Variants in SOAT2 observed in about 807,000 individuals in gnomAD.
SOAT2 encodes the protein sterol O-acyltransferase 2.
A neutral mutation model predicts 76.0 loss-of-function variants in SOAT2; 87 were observed. The ratio of observed to expected loss-of-function variants is 1.14; its 90% CI spans 0.96 to 1.37. The LOEUF is 1.37. Among genes scored for constraint, SOAT2 ranks in the 40% most tolerant of loss-of-function variants. The probability of loss-of-function intolerance (pLI) is 0.00; values close to 1 mark genes in which losing one functional copy is unlikely to be tolerated. For synonymous variants in SOAT2, 285 were observed against 275.4 expected, an observed-to-expected ratio of 1.03 and a Z score of -0.34; for missense variants, 686 against 682.1, an observed-to-expected ratio of 1.01 and a Z score of -0.06.
intron 12 of SOAT2, 82 bp downstream of exon 12, chr12:53,121,483 G>A (rs1264230831): frequency 6.0e-6 from 7 of 1,165,066 alleles, no homozygotes; most frequent in Non-Finnish European, 7.7e-6. Flanking sequence ...CTGCTACAGT[G>A]TGGCAACTAC....
rs1324556345 is a variant in SOAT2 at position 53,104,201 on chromosome 12, A to G, written c.133A>G (p.Met45Val). The G allele has an allele frequency of 3.1e-6, 5 of 1,608,746 alleles. No individual in the cohort carries two copies. The African/African-American group carries it at 6.7e-5, about 22-fold the overall frequency. The change falls in exon 2 of 15, where the codon ATG (methionine) becomes GTG (valine). Residue 45 changes from methionine to valine, a missense_variant. Transcript: ENST00000301466. ...GGACTTGGTACAATGGACCCGACACATGGAGGTGAGGGATGTCAGAGGTCA... is the reference window on the plus strand; with the variant it reads ...GGACTTGGTACAATGGACCCGACACGTGGAGGTGAGGGATGTCAGAGGTCA... The part of the protein sequence containing the change: ...APDLVQWTRH[M>V]EAVKAQLLEQ...
Position 53,104,144 on chromosome 12 carries a change from C to T in SOAT2, c.83-7C>T, listed in dbSNP as rs748219684. ...CTGTTGACTGTGCCTTTGATCCCTC[C>T]TCACAGGAAACACTGAGACGCACAG... On this transcript the variant is annotated splice_region_variant and splice_polypyrimidine_tract_variant and intron_variant, in intron 1 of 14. Transcript: ENST00000301466. 3.7e-6 allele frequency: 6 copies of T among 1,613,122 alleles called. No homozygotes were observed. In the South Asian group the frequency reaches 6.6e-5, roughly 18 times the overall value.
At chr12:53,112,545 C>CAAAAAAAAAAAAA (rs71095977) in intron 5 of SOAT2, among the ~76,000 whole-genome samples, 1 of 58,204 alleles carries the variant, frequency 1.7e-5, no homozygotes, top group African/African-American at 5.9e-5. Flanking sequence ...AACTCTGTCT[C>CAAAAAAAAAAAAA]AAAAAAAAAA....
chr12:53,106,027 C>T lies in SOAT2; in HGVS notation c.443+13C>T. The T allele has an allele frequency of 3.1e-6, 5 of 1,588,862 alleles. No individual in the cohort carries two copies. The highest frequency in any genetic ancestry group is 4.3e-6 in the Non-Finnish European group (5 of 1,157,618). On this transcript the variant is annotated intron_variant, in intron 5 of 14. Coordinates refer to ENST00000301466, the MANE Select transcript of SOAT2 (RefSeq NM_003578.4). Reference sequence around the variant, plus strand: ...TTGATGAGGGCAGGTAGGTCCCCTTCCCACCTGGGACAGGCACACCTATCT... The same window carrying T: ...TTGATGAGGGCAGGTAGGTCCCCTTTCCACCTGGGACAGGCACACCTATCT...
At position 53,121,381 on chromosome 12, in the gene SOAT2, G is replaced by A. The variant is rs764221472; in HGVS notation, c.1216G>A (p.Val406Met). 3.7e-6 allele frequency: 6 copies of A among 1,614,094 alleles called. No individual in the cohort carries two copies. Among genetic ancestry groups the A allele is most frequent in the Admixed American group, 1.7e-5 (1 of 60,020 alleles). ...GGTCCATGACTGGCTGTACAGCTACGTGTATCAGGATGGGCTGCGGGTATG... is the reference window on the plus strand; with the variant it reads ...GGTCCATGACTGGCTGTACAGCTACATGTATCAGGATGGGCTGCGGGTATG... Reference protein sequence around the residue: ...VVVHDWLYSYVYQDGLRLLGA... With the variant: ...VVVHDWLYSYMYQDGLRLLGA... The change falls in exon 12 of 15, where the codon GTG becomes ATG. Residue 406 changes from valine (V) to methionine (M), a missense_variant. Val to Met is a conservative substitution (Grantham distance 21). Coordinates refer to ENST00000301466, the MANE Select transcript of SOAT2 (RefSeq NM_003578.4).
chr12:53,116,710 T>G (rs1461023743), intron 7 of SOAT2, among the ~76,000 whole-genome samples: 1 of 151,846 alleles, frequency 6.6e-6, no homozygotes, highest in Non-Finnish European at 1.5e-5. Context: ...TTCAAAAAAC[T>G]TTTTAAAATT....
At chr12:53,120,157 G>A (rs1938168207) in intron 10 of SOAT2, among the ~76,000 whole-genome samples, 1 of 151,994 alleles carries the variant, frequency 6.6e-6, no homozygotes. Context: ...ACAATATAGT[G>A]AGATCTCATC....
intron 10 of SOAT2, 36 bp from the exon 11 acceptor site, chr12:53,120,750 C>A: frequency 6.5e-7 from 1 of 1,529,876 alleles, no homozygotes; most frequent in Non-Finnish European, 9.1e-7. Context: ...CCATGTGGGC[C>A]AGCCTGACCT....
intron 5 of SOAT2, among the ~76,000 whole-genome samples, chr12:53,115,111 A>C (rs1938080998): frequency 6.6e-6 from 1 of 152,226 alleles, no homozygotes; most frequent in African/African-American, 2.4e-5. Context: ...TAGTTACCTC[A>C]TATCCTAACA....
intron 2 of SOAT2, 86 bp downstream of exon 2, chr12:53,104,292 T>A: frequency 1.7e-6 from 1 of 593,052 alleles, no homozygotes; most frequent in Admixed American, 4.0e-5. Context: ...AAGATGACTT[T>A]TTTTTTTTTT....
intron 13 of SOAT2, 30 bp from the exon 14 acceptor site, chr12:53,123,698 C>A: frequency 6.2e-7 from 1 of 1,613,652 alleles, no homozygotes; most frequent in East Asian, 2.2e-5. Context: ...ACTCCTGGAG[C>A]TGGAATGACA....
At chr12:53,105,420 CCTT>C (rs1185028677) in intron 3 of SOAT2, 138 bp from the exon 4 acceptor site, 1 of 1,190,528 alleles carries the variant, frequency 8.4e-7, no homozygotes, top group East Asian at 2.6e-5. Flanking sequence ...CTGGCCCTGA[CCTT>C]CTACCCGGTC....
At chr12:53,105,707 T>C in intron 4 of SOAT2, 87 bp downstream of exon 4, 1 of 1,279,824 alleles carries the variant, frequency 7.8e-7, no homozygotes. Context: ...CCCCAGCCTC[T>C]AGGTGGTTTG....
chr12:53,111,711 T>C (rs907267879), intron 5 of SOAT2, among the ~76,000 whole-genome samples: 2 of 152,228 alleles, frequency 1.3e-5, no homozygotes, highest in Non-Finnish European at 2.9e-5. Flanking sequence ...CAAAAATGTA[T>C]GCTGGCAACT....
chr12:53,116,734 G>A (rs1176426934), intron 7 of SOAT2, among the ~76,000 whole-genome samples: 1 of 151,880 alleles, frequency 6.6e-6, no homozygotes, highest in Non-Finnish European at 1.5e-5. Context: ...CAGGTGTGGT[G>A]GCTAATGCCT....
chr12:53,116,874 A>C (rs979748120), intron 7 of SOAT2, among the ~76,000 whole-genome samples: 1 of 152,112 alleles, frequency 6.6e-6, no homozygotes, highest in Non-Finnish European at 1.5e-5. Flanking sequence ...TCTCAAAAAA[A>C]AAAAGTGAGA....
At chr12:53,117,098 A>G (rs1938116636) in intron 7 of SOAT2, among the ~76,000 whole-genome samples, 2 of 150,670 alleles carry the variant, frequency 1.3e-5, no homozygotes, top group East Asian at 4.0e-4. Context: ...AGCTGGGATT[A>G]TAGGTGTGTG....
intron 5 of SOAT2, among the ~76,000 whole-genome samples, chr12:53,107,668 G>T (rs1254901778): frequency 6.9e-6 from 1 of 144,614 alleles, no homozygotes; most frequent in African/African-American, 2.6e-5. Flanking sequence ...CGTTGCCCAG[G>T]CTGGAGTGCA....
rs372664178 is a variant in SOAT2, at chr12:53,116,139, G to C, written c.751G>C (p.Val251Leu). ...AAGCTACTCCTTCCTGAGAGAGGCT[G>C]TGCCTGGGACCCTTCGTGCCAGACG... ...MKSYSFLREA[V>L]PGTLRARRGE... Residue 251 changes from valine (V) to leucine (L), a missense_variant, in exon 7 of 15, where the codon GTG becomes CTG. Val to Leu is a conservative substitution (Grantham distance 32, BLOSUM62 1). Transcript: ENST00000301466. 2.5e-6 allele frequency: 4 copies of C among 1,614,206 alleles called. No individual in the cohort carries two copies. The highest frequency in any genetic ancestry group is 3.4e-6 in the Non-Finnish European group (4 of 1,180,010).
Sources: allele counts gnomAD v4.1 joint callset (sites outside exome capture counted in the v4.1 genomes callset), GRCh38; gene constraint gnomAD v4.1.1; transcripts MANE v1.5; gene names NCBI Gene and HGNC (gene_info 2026-07-23, HGNC 2026-07-21).